Variants in GALNT17 observed in about 807,000 individuals in gnomAD.
GALNT17 encodes the protein UDP-GalNAc:polypeptide N-acetylgalactosaminyltransferase-like 3.
A neutral mutation model predicts 63.7 loss-of-function variants in GALNT17; 29 were observed. That is an observed-to-expected ratio of 0.46 (90% CI 0.34 to 0.62). GALNT17 has a LOEUF of 0.62. GALNT17 is among the 20% of genes least tolerant of loss of function. The probability of loss-of-function intolerance (pLI) is 0.01; values close to 1 mark genes in which losing one functional copy is unlikely to be tolerated. For synonymous variants in GALNT17, 305 were observed against 318.3 expected, an observed-to-expected ratio of 0.96 and a Z score of 0.45; for missense variants, 603 against 799.6, an observed-to-expected ratio of 0.75 and a Z score of 2.97.
chr7:71,321,196 G>T (rs896901077), intron 1 of GALNT17, among the ~76,000 whole-genome samples: 8 of 152,186 alleles, frequency 5.3e-5, no homozygotes, highest in African/African-American at 1.9e-4. Context: ...CCTGCTCCTA[G>T]ATCAGCCTTT....
chr7:71,410,639 C>T lies in GALNT17; in HGVS notation c.590-5250C>T, dbSNP rs538927553. Among the ~76,000 whole-genome samples, 10 of 152,312 alleles carry T rather than the reference C, an allele frequency of 6.6e-5. No homozygotes were observed. In the South Asian group the frequency reaches 8.3e-4, roughly 13 times the overall value. On this transcript the variant is annotated intron_variant, in intron 3 of 10. Transcript: ENST00000333538. ...AGGGCTCTGAGCCCAGGGATGGTAC[C>T]GATAGTTTATTCTGTCATATCACTG...
chr7:71,184,555 C>G (rs763676524), intron 1 of GALNT17, among the ~76,000 whole-genome samples: 2 of 152,166 alleles, frequency 1.3e-5, no homozygotes, highest in African/African-American at 4.8e-5. Context: ...AAGATAGGCT[C>G]TGTTGAGTTA....
chr7:71,233,482 C>T (rs868653546), intron 1 of GALNT17, among the ~76,000 whole-genome samples: 15 of 152,290 alleles, frequency 9.8e-5, no homozygotes, highest in African/African-American at 3.6e-4. Flanking sequence ...AATTAAATTG[C>T]AAAGAGAGAT....
intron 1 of GALNT17, among the ~76,000 whole-genome samples, chr7:71,241,879 A>G (rs950518214): frequency 2.6e-5 from 4 of 151,984 alleles, no homozygotes; most frequent in Admixed American, 6.6e-5. Context: ...ACAGGATGAG[A>G]CCTTATCCCA....
intron 5 of GALNT17, among the ~76,000 whole-genome samples, chr7:71,518,497 T>A (rs1336331483): frequency 6.6e-6 from 1 of 152,172 alleles, no homozygotes; most frequent in Non-Finnish European, 1.5e-5. Flanking sequence ...ACTGTGCGAT[T>A]TAAGCAGGAT....
chr7:71,387,115 A>T (rs1792959692), intron 2 of GALNT17, among the ~76,000 whole-genome samples: 1 of 151,824 alleles, frequency 6.6e-6, no homozygotes, highest in Non-Finnish European at 1.5e-5. Flanking sequence ...CCTGTGGGTG[A>T]TGGGGGCTTA....
intron 1 of GALNT17, among the ~76,000 whole-genome samples, chr7:71,314,796 C>T (rs1177120760): frequency 1.3e-5 from 2 of 152,042 alleles, no homozygotes; most frequent in African/African-American, 4.8e-5. Flanking sequence ...AGTCCCATTA[C>T]TCTGGAGGCT....
intron 9 of GALNT17, among the ~76,000 whole-genome samples, chr7:71,698,148 AAAAG>A (rs1276079048): frequency 1.3e-5 from 2 of 151,180 alleles, no homozygotes; most frequent in African/African-American, 2.4e-5. Context: ...AAAAGAAAAG[AAAAG>A]AAAGAAAGTG....
At chr7:71,183,582 C>T (rs544277199) in intron 1 of GALNT17, among the ~76,000 whole-genome samples, 3 of 152,110 alleles carry the variant, frequency 2.0e-5, no homozygotes, top group Non-Finnish European at 2.9e-5. Flanking sequence ...GGAGATCCCC[C>T]GAGCCAGAAA....
chr7:71,145,830 T>G lies in GALNT17; in HGVS notation c.238+12790T>G, dbSNP rs187218778. Among the ~76,000 whole-genome samples the G allele has an allele frequency of 9.2e-5, 14 of 152,204 alleles. No individual in the cohort carries two copies. In the East Asian group the frequency reaches 2.7e-3, roughly 30 times the overall value. Reference sequence around the variant, plus strand: ...AAATGATTCTCCTGCCTCAGCCTGCTGAGTAGCTGGGATTACAGGCGGCCG... The same window carrying G: ...AAATGATTCTCCTGCCTCAGCCTGCGGAGTAGCTGGGATTACAGGCGGCCG... On this transcript the variant is annotated intron_variant, in intron 1 of 10. Coordinates refer to ENST00000333538, the MANE Select transcript of GALNT17 (RefSeq NM_022479.3).
chr7:71,144,505 G>T (rs924133360), intron 1 of GALNT17, among the ~76,000 whole-genome samples: 1 of 152,080 alleles, frequency 6.6e-6, no homozygotes, highest in African/African-American at 2.4e-5. Context: ...CACCTATCTA[G>T]ACATTGTCAT....
At chr7:71,677,966 C>G (rs1427723824) in intron 9 of GALNT17, among the ~76,000 whole-genome samples, 1 of 152,122 alleles carries the variant, frequency 6.6e-6, no homozygotes, top group Non-Finnish European at 1.5e-5. Context: ...AGACAGGTTA[C>G]TGTTCAAATC....
intron 1 of GALNT17, among the ~76,000 whole-genome samples, chr7:71,223,163 A>G (rs975030850): frequency 6.6e-6 from 1 of 152,130 alleles, no homozygotes. Flanking sequence ...ATTAATATAT[A>G]CTCGGAGGCT....
chr7:71,591,239 A>T (rs1789795930), intron 6 of GALNT17, among the ~76,000 whole-genome samples: 1 of 151,714 alleles, frequency 6.6e-6, no homozygotes, highest in Admixed American at 6.6e-5. Context: ...TATTTTGAGT[A>T]GAGACAGGGT....
At chr7:71,588,075 T>C (rs1789745112) in intron 6 of GALNT17, among the ~76,000 whole-genome samples, 1 of 152,186 alleles carries the variant, frequency 6.6e-6, no homozygotes, top group Non-Finnish European at 1.5e-5. Context: ...TCAGTGAGGG[T>C]GCTCATTGCC....
At chr7:71,548,168 G>A (rs1270285734) in intron 5 of GALNT17, among the ~76,000 whole-genome samples, 2 of 151,576 alleles carry the variant, frequency 1.3e-5, no homozygotes, top group African/African-American at 2.4e-5. Flanking sequence ...CTTGAATCAG[G>A]AAGGTAGAGG....
At chr7:71,599,814 T>A (rs987138280) in intron 6 of GALNT17, among the ~76,000 whole-genome samples, 3 of 152,116 alleles carry the variant, frequency 2.0e-5, no homozygotes, top group African/African-American at 7.2e-5. Flanking sequence ...ATAATTGCAC[T>A]GTTGACAAAT....
intron 5 of GALNT17, among the ~76,000 whole-genome samples, chr7:71,569,868 CTATT>C (rs1389143713): frequency 6.6e-6 from 1 of 151,984 alleles, no homozygotes; most frequent in Non-Finnish European, 1.5e-5. Context: ...TTTGGTAGAA[CTATT>C]TATTTTCCTT....
chr7:71,132,736 G>A lies in GALNT17; in HGVS notation c.-67G>A. On this transcript the variant is annotated 5_prime_UTR_variant, in exon 1 of 11. Transcript: ENST00000333538. ...GTGTGTGAGGCTTGCACGGCCCCTG[G>A]CTGCCCCGCGCCTCGCCGGAGCCCG... The A allele has an allele frequency of 3.6e-6, 5 of 1,384,398 alleles. No homozygotes were observed. The highest frequency in any genetic ancestry group is 4.9e-6 in the Non-Finnish European group (5 of 1,018,010). The allele number at this position is 1,384,398 out of a possible 1,614,324, so 85.8% of individuals were successfully genotyped here. A position where few individuals can be genotyped will look rare whatever the true frequency, so the allele number is the denominator to read the frequency against.
Sources: allele counts gnomAD v4.1 joint callset (sites outside exome capture counted in the v4.1 genomes callset), GRCh38; gene constraint gnomAD v4.1.1; transcripts MANE v1.5; gene names NCBI Gene and HGNC (gene_info 2026-07-23, HGNC 2026-07-21).